Variants in NCALD observed in about 807,000 individuals in gnomAD.
The protein encoded by NCALD is neurocalcin delta, also known as neurocalcin-delta.
NCALD carries 10 observed loss-of-function variants against 18.6 expected under a neutral mutation model. The ratio of observed to expected loss-of-function variants is 0.54; its 90% confidence interval spans 0.33 to 0.91. The LOEUF (loss-of-function observed/expected upper bound fraction) is 0.91. Ranked by LOEUF, NCALD falls within the 40% of genes least tolerant of loss-of-function variation. NCALD has a pLI of 0.03. For synonymous variants in NCALD, 88 were observed against 87.4 expected, an observed-to-expected ratio of 1.01 and a Z score of -0.04; for missense variants, 184 against 247.6, an observed-to-expected ratio of 0.74 and a Z score of 1.72.
intron 4 of NCALD, among the ~76,000 whole-genome samples, chr8:101,852,263 C>T (rs1438407743): frequency 1.3e-5 from 2 of 152,200 alleles, no homozygotes; most frequent in South Asian, 2.1e-4. Context: ...GGAGCTCCTC[C>T]TCTGATACAC....
chr8:102,008,399 C>T (rs1821782279), intron 2 of NCALD, among the ~76,000 whole-genome samples: 1 of 150,204 alleles, frequency 6.7e-6, no homozygotes, highest in African/African-American at 2.5e-5. Flanking sequence ...AAGGCACAAA[C>T]TCTAAAATAA....
intron 1 of NCALD, among the ~76,000 whole-genome samples, chr8:102,023,509 G>C (rs1822350773): frequency 6.6e-6 from 1 of 152,218 alleles, no homozygotes. Flanking sequence ...GGAGGAGAGA[G>C]GCTGCCCATT....
At chr8:101,820,106 G>A (rs1295182532) in intron 4 of NCALD, among the ~76,000 whole-genome samples, 2 of 152,182 alleles carry the variant, frequency 1.3e-5, no homozygotes, top group African/African-American at 4.8e-5. Flanking sequence ...TTATTATTAA[G>A]AGGGACTTCA....
At chr8:101,711,408 C>T (rs142030886) in intron 2 of NCALD, among the ~76,000 whole-genome samples, 2,672 of 151,954 alleles carry the variant, frequency 0.018, 83 homozygotes, top group African/African-American at 0.06. Context: ...TAAAACTGGA[C>T]GGAGAATGAG....
At chr8:101,752,395 C>G (rs1432392366) in intron 1 of NCALD, among the ~76,000 whole-genome samples, 3 of 152,162 alleles carry the variant, frequency 2.0e-5, no homozygotes, top group African/African-American at 7.2e-5. Flanking sequence ...AAAAACAAAC[C>G]TAACCAAAAT....
chr8:101,918,415 T>A (rs1818046435), intron 2 of NCALD, among the ~76,000 whole-genome samples: 1 of 151,996 alleles, frequency 6.6e-6, no homozygotes, highest in South Asian at 2.1e-4. Context: ...CCTTGAGAAC[T>A]GGAAAAAGAC....
At chr8:101,895,042 C>A (rs556673085) in intron 3 of NCALD, among the ~76,000 whole-genome samples, 1 of 150,052 alleles carries the variant, frequency 6.7e-6, no homozygotes, top group African/African-American at 2.5e-5. Context: ...ATACCAAAGC[C>A]GGGCAGAGAC....
At chr8:101,946,910 C>A (rs1057274219) in intron 2 of NCALD, among the ~76,000 whole-genome samples, 9 of 150,368 alleles carry the variant, frequency 6.0e-5, no homozygotes, top group African/African-American at 2.2e-4. Flanking sequence ...GACATCTCAA[C>A]TGGTTCAGCT....
chr8:102,015,669 C>T (rs1302179402), intron 2 of NCALD, among the ~76,000 whole-genome samples: 1 of 152,114 alleles, frequency 6.6e-6, no homozygotes, highest in Non-Finnish European at 1.5e-5. Flanking sequence ...GAGCTAAGGA[C>T]ACAAGGCAAC....
At chr8:101,852,005 A>T (rs1436240103) in intron 4 of NCALD, among the ~76,000 whole-genome samples, 2 of 152,098 alleles carry the variant, frequency 1.3e-5, no homozygotes, top group Admixed American at 6.5e-5. Flanking sequence ...AGGACAATTC[A>T]CCCCTTCCAC....
intron 2 of NCALD, among the ~76,000 whole-genome samples, chr8:101,936,510 A>C (rs1818769348): frequency 6.6e-6 from 1 of 152,196 alleles, no homozygotes; most frequent in Admixed American, 6.5e-5. Flanking sequence ...TATAGAAGGT[A>C]ATAATCAGAA....
chr8:102,114,730 C>T (rs1005623671), intron 1 of NCALD, among the ~76,000 whole-genome samples: 1 of 152,182 alleles, frequency 6.6e-6, no homozygotes, highest in Non-Finnish European at 1.5e-5. Flanking sequence ...CCAAATTATA[C>T]CAGAAGTCAG....
At chr8:101,925,290 G>C (rs917150993) in intron 2 of NCALD, among the ~76,000 whole-genome samples, 1 of 152,090 alleles carries the variant, frequency 6.6e-6, no homozygotes, top group Non-Finnish European at 1.5e-5. Flanking sequence ...ACTATAAGGG[G>C]TGTATTTATC....
chr8:102,033,980 T>C (rs1822772378), intron 1 of NCALD, among the ~76,000 whole-genome samples: 1 of 149,536 alleles, frequency 6.7e-6, no homozygotes, highest in African/African-American at 2.5e-5. Context: ...TAGCTCTTTC[T>C]CTTTCTTTCT....
At chr8:102,049,110 G>C (rs1823342927) in intron 1 of NCALD, among the ~76,000 whole-genome samples, 1 of 152,178 alleles carries the variant, frequency 6.6e-6, no homozygotes, top group African/African-American at 2.4e-5. Flanking sequence ...CCATTTTAGA[G>C]ATGAAAAACA....
intron 4 of NCALD, among the ~76,000 whole-genome samples, chr8:101,814,479 G>A (rs192019207): frequency 5.9e-4 from 90 of 152,152 alleles, no homozygotes; most frequent in African/African-American, 1.9e-3. Flanking sequence ...GAATAGAGGG[G>A]AATGTTCCTA....
chr8:101,852,728 G>C (rs1007821817), intron 4 of NCALD: 1 of 152,192 alleles, frequency 6.6e-6, no homozygotes, highest in Non-Finnish European at 1.5e-5. Context: ...AATTTAAGTC[G>C]ATACTATGAT....
chr8:101,767,837 C>T (rs1378808451), intron 1 of NCALD, among the ~76,000 whole-genome samples: 2 of 152,236 alleles, frequency 1.3e-5, no homozygotes, highest in African/African-American at 4.8e-5. Flanking sequence ...ACAGCTTTCT[C>T]TGCCCTGCTT....
At chr8:102,019,475 C>T (rs1238043018) in intron 2 of NCALD, among the ~76,000 whole-genome samples, 1 of 152,098 alleles carries the variant, frequency 6.6e-6, no homozygotes, top group Non-Finnish European at 1.5e-5. Context: ...ACAAAACTGA[C>T]TCAAGAAGAA....
Sources: allele counts gnomAD v4.1 joint callset (sites outside exome capture counted in the v4.1 genomes callset), GRCh38; gene constraint gnomAD v4.1.1; transcripts MANE v1.5; gene names NCBI Gene and HGNC (gene_info 2026-07-23, HGNC 2026-07-21).